Variants in WNT7B observed in about 807,000 individuals in gnomAD.
WNT7B encodes the protein protein Wnt-7b.
In WNT7B, 19 loss-of-function variants were observed where a neutral mutation model predicts 38.2. The observed-to-expected ratio is 0.50, with a 90% CI of 0.35 to 0.73. The LOEUF (loss-of-function observed/expected upper bound fraction) is 0.73. Among genes scored for constraint, WNT7B ranks in the 30% least tolerant of loss-of-function variants. The pLI is 0.01. For missense variants in WNT7B, 423 were observed against 507.9 expected (o/e 0.83, Z 1.61); for synonymous variants, 243 against 209.3 (o/e 1.16, Z -1.39).
rs1364257205 is a variant in WNT7B, at chr22:45,951,445, G to C, written c.72-1299C>G. On this transcript the variant is annotated intron_variant, in intron 1 of 3. Transcript: ENST00000339464. This position sits in a 1 kb window ranked among gnomAD's most constrained non-coding sequence, Gnocchi z 4.8. ...GAACCATTTTGAAGTGTACAGTTCT[G>C]TGGCATTTAATACATTCGGTGTTGT... 6.7e-6 allele frequency among the ~76,000 whole-genome samples: 1 copy of C among 150,150 alleles called. No homozygotes were observed. Among genetic ancestry groups the C allele is most frequent in the Non-Finnish European group, 1.5e-5 (1 of 67,980 alleles).
At chr22:45,936,125 G>C (rs1931508630) in intron 2 of WNT7B, 1 of 985,440 alleles carries the variant, frequency 1.0e-6, no homozygotes, top group African/African-American at 1.7e-5. Context: ...TCTGAGTAAT[G>C]GTCCTGAAGG....
rs762439271 is a variant in WNT7B, at chr22:45,929,942, TTCCATCCATCCACTCATACATCTA to T, written c.570+1132_570+1155del. ...TATCCTCCCATCCACCCACTCATCC[TTCCATCCATCCACTCATACATCTA>T]TCCATCCATCCAACAATAACTTAAT... On this transcript the variant is annotated intron_variant, in intron 3 of 3. Transcript: ENST00000339464. Among the ~76,000 whole-genome samples the T allele has an allele frequency of 3.5e-3, 331 of 95,222 alleles. 3 individuals are homozygous for T. Among genetic ancestry groups the T allele is most frequent in the Non-Finnish European group, 5.6e-3 (255 of 45,456 alleles). The allele number at this position is 95,222 out of a possible 152,430, so 62.5% of individuals were successfully genotyped here.
At chr22:45,972,411 C>T (rs2146756401) in intron 1 of WNT7B, 2 of 272,624 alleles carry the variant, frequency 7.3e-6, no homozygotes, top group South Asian at 1.7e-4. Context: ...GCTAGGGCCG[C>T]GCATGGCGCT....
In WNT7B at chr22:45,922,892, G is replaced by A; in HGVS notation, c.1014C>T (p.Thr338=). ...TGAAGACCTCGGTGCGCTCGCTGCA[G>A]GTGTTGCACTTGACGAAGCAGCACC... The part of the protein sequence containing the change: ...FHWCCFVKCN[T]CSERTEVFTC... Residue 338 remains threonine, a synonymous_variant, in exon 4 of 4, where the codon ACC becomes ACT. Coordinates refer to ENST00000339464, the MANE Select transcript of WNT7B (RefSeq NM_058238.3). 1 of 1,603,360 alleles carries A rather than the reference G, an allele frequency of 6.2e-7. No individual in the cohort carries two copies. Among genetic ancestry groups the A allele is most frequent in the Non-Finnish European group, 8.5e-7 (1 of 1,173,008 alleles).
At chr22:45,970,735 G>T (rs1021554373) in intron 1 of WNT7B, among the ~76,000 whole-genome samples, 1 of 152,130 alleles carries the variant, frequency 6.6e-6, no homozygotes, top group Admixed American at 6.5e-5. Flanking sequence ...GCCTCCAACC[G>T]CTAGACGCTG....
chr22:45,930,814 C>T (rs1264174852), intron 3 of WNT7B, among the ~76,000 whole-genome samples: 1 of 152,210 alleles, frequency 6.6e-6, no homozygotes, highest in Non-Finnish European at 1.5e-5. Context: ...CAGCCAAGCC[C>T]AGCTCACACC....
rs2146759191 is a variant in WNT7B, at chr22:45,975,806, G to A, written c.71+878C>T. Reference sequence around the variant, plus strand: ...GAGCGCGGGGCCAGCAGCGGGCGGTGGGCGCCCCAGGCGAGGTGCACCGCA... The same window carrying A: ...GAGCGCGGGGCCAGCAGCGGGCGGTAGGCGCCCCAGGCGAGGTGCACCGCA... On this transcript the variant is annotated intron_variant, in intron 1 of 3. Transcript: ENST00000339464. The surrounding 1 kb of genome is among the most constrained non-coding windows in gnomAD (Gnocchi z 6.6). The A allele has an allele frequency of 3.2e-6, 1 of 315,846 alleles. No individual in the cohort carries two copies. The highest frequency in any genetic ancestry group is 5.7e-6 in the Non-Finnish European group (1 of 175,016). The allele number at this position is 315,846 out of a possible 1,614,324, so 19.6% of individuals were successfully genotyped here.
At position 45,941,897 on chromosome 22, in the gene WNT7B, T is replaced by G. The variant is rs144456565; in HGVS notation, c.298+8023A>C. Among the ~76,000 whole-genome samples, 1,512 of 152,234 alleles carry G rather than the reference T, an allele frequency of 9.9e-3. 10 individuals carry two copies. Among genetic ancestry groups the G allele is most frequent in the Non-Finnish European group, 0.014 (982 of 68,016 alleles). ...GCAGGGGAGCTTTTGTGAGATAGACTTCCCTGAAGAATAGGTCAGGGGAGG... is the reference window on the plus strand; with the variant it reads ...GCAGGGGAGCTTTTGTGAGATAGACGTCCCTGAAGAATAGGTCAGGGGAGG... On this transcript the variant is annotated intron_variant, in intron 2 of 3. Transcript: ENST00000339464.
chr22:45,970,360 G>C (rs561760231), intron 1 of WNT7B, among the ~76,000 whole-genome samples: 2 of 152,198 alleles, frequency 1.3e-5, no homozygotes, highest in Non-Finnish European at 2.9e-5. Context: ...CAAGCCTGGC[G>C]GGGGTAGTCA....
chr22:45,952,589 C>A (rs1931959523), intron 1 of WNT7B, among the ~76,000 whole-genome samples: 1 of 152,262 alleles, frequency 6.6e-6, no homozygotes. Context: ...TGGGGCAGAG[C>A]CCGCCTCAGT....
intron 1 of WNT7B, among the ~76,000 whole-genome samples, chr22:45,956,061 C>T (rs1017187134): frequency 3.3e-5 from 5 of 152,156 alleles, no homozygotes; most frequent in African/African-American, 1.2e-4. Flanking sequence ...CCAGCCCCTT[C>T]AACCACTGCC....
chr22:45,928,222 G>GCAGGGT (rs1931155115), intron 3 of WNT7B, among the ~76,000 whole-genome samples: 4 of 152,194 alleles, frequency 2.6e-5, no homozygotes, highest in African/African-American at 9.7e-5. Flanking sequence ...GGGGGCAGGG[G>GCAGGGT]CAGGCCTGGT....
At chr22:45,929,615 TACACCCATCCTTCCATCCATGCATCCAC>T (rs1931234348) in intron 3 of WNT7B, among the ~76,000 whole-genome samples, 1 of 134,148 alleles carries the variant, frequency 7.5e-6, no homozygotes, top group Non-Finnish European at 1.5e-5. Context: ...CACCTGCCCA[TACACCCATCCTTCCATCCATGCATCCAC>T]TCATCCATCC....
intron 1 of WNT7B, among the ~76,000 whole-genome samples, chr22:45,967,209 G>A (rs995248606): frequency 6.6e-6 from 1 of 152,214 alleles, no homozygotes; most frequent in Non-Finnish European, 1.5e-5. Context: ...CGGGCGGCCC[G>A]CACCACACAA....
chr22:45,936,713 T>C (rs901828161), intron 2 of WNT7B, among the ~76,000 whole-genome samples: 1 of 152,106 alleles, frequency 6.6e-6, no homozygotes, highest in East Asian at 1.9e-4. Flanking sequence ...GGGAAGGGGG[T>C]GTGTGCTGGG....
Position 45,921,178 on chromosome 22 carries a change from C to T in WNT7B, c.*1678G>A, listed in dbSNP as rs1569107186. Reference sequence around the variant, plus strand: ...GGGTGCACCAGGAGCCAGCTGCAGACCATCCTCTCTGGCCTCGGACAAGTT... The same window carrying T: ...GGGTGCACCAGGAGCCAGCTGCAGATCATCCTCTCTGGCCTCGGACAAGTT... On this transcript the variant is annotated 3_prime_UTR_variant, in exon 4 of 4. Coordinates refer to ENST00000339464, the MANE Select transcript of WNT7B (RefSeq NM_058238.3). 6.6e-6 allele frequency: 1 copy of T among 152,556 alleles called. No homozygotes were observed. Among genetic ancestry groups the T allele is most frequent in the African/African-American group, 2.4e-5 (1 of 41,462 alleles). The allele number at this position is 152,556 out of a possible 1,614,324, so 9.5% of individuals were successfully genotyped here. A position where few individuals can be genotyped will look rare whatever the true frequency, so the allele number is the denominator to read the frequency against.
At chr22:45,973,499 G>A (rs1271423093) in intron 1 of WNT7B, among the ~76,000 whole-genome samples, 1 of 152,152 alleles carries the variant, frequency 6.6e-6, no homozygotes, top group African/African-American at 2.4e-5. Flanking sequence ...CCTAGTCCAG[G>A]GCTCTCGGGC....
At chr22:45,939,717 T>G (rs1406682386) in intron 2 of WNT7B, among the ~76,000 whole-genome samples, 1 of 151,216 alleles carries the variant, frequency 6.6e-6, no homozygotes, top group East Asian at 1.9e-4. Context: ...TCCCAGCTCC[T>G]CAAGAGGCTG....
chr22:45,960,261 C>T (rs865937466), intron 1 of WNT7B, among the ~76,000 whole-genome samples: 52 of 152,314 alleles, frequency 3.4e-4, no homozygotes, highest in Middle Eastern at 3.4e-3. Flanking sequence ...GGCCCGCCCC[C>T]GACCTGCTGA....
Sources: gnomAD v4.1 joint callset for allele counts (sites outside exome capture counted in the v4.1 genomes callset) on GRCh38, gnomAD v4.1.1 for gene constraint, Gnocchi (gnomAD v3.1) non-coding constraint, MANE v1.5 for transcripts, NCBI Gene and HGNC (gene_info 2026-07-23, HGNC 2026-07-21) for gene names.